The following TEAD4 variants were observed in gnomAD, a reference collection of about 807,000 sequenced individuals.
TEAD4 encodes the protein TEA domain transcription factor 4.
Under a neutral mutation model 52.4 loss-of-function variants are expected in TEAD4, and 36 were observed. The observed-to-expected ratio is 0.69, with a 90% CI of 0.53 to 0.91. TEAD4 has a LOEUF of 0.91. TEAD4 is among the 40% of genes least tolerant of loss of function. TEAD4 has a pLI of 0.00. For missense variants in TEAD4, 508 were observed against 583.9 expected (o/e 0.87, Z 1.34); for synonymous variants, 220 against 231.0 (o/e 0.95, Z 0.43).
At chr12:3,028,689 G>T (rs61918013) in intron 10 of TEAD4, among the ~76,000 whole-genome samples, 1 of 151,794 alleles carries the variant, frequency 6.6e-6, no homozygotes, top group African/African-American at 2.4e-5. Flanking sequence ...GGAGTACAGC[G>T]GCGTAATTTT....
intron 2 of TEAD4, among the ~76,000 whole-genome samples, chr12:2,966,660 C>T (rs185694712): frequency 2.6e-5 from 4 of 152,182 alleles, no homozygotes; most frequent in South Asian, 2.1e-4. Flanking sequence ...ATCTGCCCGC[C>T]TTGACCTCCC....
chr12:2,973,749 C>G (rs528201935), intron 2 of TEAD4, among the ~76,000 whole-genome samples: 1 of 152,312 alleles, frequency 6.6e-6, no homozygotes, highest in African/African-American at 2.4e-5. Context: ...TGGGTCAGGC[C>G]GGGCTGGCCC....
chr12:2,992,804 C>T (rs115157302), intron 2 of TEAD4, among the ~76,000 whole-genome samples: 1 of 152,220 alleles, frequency 6.6e-6, no homozygotes, highest in African/African-American at 2.4e-5. Context: ...AGCTGGTACT[C>T]ATAACCCAAA....
intron 2 of TEAD4, among the ~76,000 whole-genome samples, chr12:2,976,887 T>C (rs1386278254): frequency 6.6e-6 from 1 of 152,174 alleles, no homozygotes; most frequent in Admixed American, 6.5e-5. Context: ...CTCTCTGAGC[T>C]GCCCCTCCCA....
chr12:2,983,269 T>G (rs1002333334), intron 2 of TEAD4, among the ~76,000 whole-genome samples: 2 of 152,208 alleles, frequency 1.3e-5, no homozygotes, highest in African/African-American at 4.8e-5. Context: ...ATAGCTCTTA[T>G]GAGCACTGAC....
chr12:2,980,683 A>G (rs2098233459), intron 2 of TEAD4, among the ~76,000 whole-genome samples: 1 of 151,906 alleles, frequency 6.6e-6, no homozygotes, highest in Non-Finnish European at 1.5e-5. Context: ...CAGTGAGTCC[A>G]TATCGCTCCA....
At chr12:2,988,508 CA>C (rs35233597) in intron 2 of TEAD4, among the ~76,000 whole-genome samples, 90,912 of 131,262 alleles carry the variant, frequency 0.69, 31,972 homozygotes, top group South Asian at 0.86. Flanking sequence ...AAAAAAAGCT[CA>C]AAAAAAAAAA....
chr12:3,028,575 T>C (rs944741719), intron 10 of TEAD4, among the ~76,000 whole-genome samples: 1 of 152,208 alleles, frequency 6.6e-6, no homozygotes, highest in African/African-American at 2.4e-5. Context: ...TCTTTTCATG[T>C]GCTTACTGGC....
At chr12:2,973,680 G>T (rs533552486) in intron 2 of TEAD4, among the ~76,000 whole-genome samples, 39 of 152,308 alleles carry the variant, frequency 2.6e-4, no homozygotes, top group African/African-American at 9.1e-4. Context: ...GGGAATTTTG[G>T]TTTGCCGGGC....
intron 10 of TEAD4, among the ~76,000 whole-genome samples, chr12:3,031,424 G>A (rs2098275464): frequency 6.6e-6 from 1 of 152,164 alleles, no homozygotes; most frequent in Non-Finnish European, 1.5e-5. Context: ...GGCATGTCCG[G>A]GACCCTCTTG....
intron 3 of TEAD4, among the ~76,000 whole-genome samples, chr12:2,999,408 T>A (rs1166860068): frequency 6.6e-6 from 1 of 152,206 alleles, no homozygotes; most frequent in Non-Finnish European, 1.5e-5. Flanking sequence ...CGGCCTTAGC[T>A]GTTTGAGGAC....
At chr12:3,020,534 C>A in intron 8 of TEAD4, 100 bp from the exon 9 acceptor site, 3 of 1,360,142 alleles carry the variant, frequency 2.2e-6, no homozygotes, top group Non-Finnish European at 2.9e-6. Context: ...TCCCCCCAGG[C>A]AGCACGGGTC....
At chr12:2,969,698 T>C (rs1314807102) in intron 2 of TEAD4, among the ~76,000 whole-genome samples, 2 of 152,194 alleles carry the variant, frequency 1.3e-5, no homozygotes, top group African/African-American at 4.8e-5. Flanking sequence ...GAGGGTGCAG[T>C]GTCTGAGCAG....
rs531785166 is a variant in TEAD4, at chr12:3,026,527, A to G, written c.897+4510A>G. 2.6e-5 allele frequency among the ~76,000 whole-genome samples: 4 copies of G among 152,316 alleles called. No individual in the cohort carries two copies. In the South Asian group the frequency reaches 6.2e-4, roughly 24 times the overall value. On this transcript the variant is annotated intron_variant, in intron 10 of 12. Transcript: ENST00000359864. ...TGCTGGAGTTCCAGCCACTGTAGCC[A>G]TCTTCCAACCATCAAAAGAAGCCAG... is the stretch of plus-strand genomic sequence containing the variant.
intron 10 of TEAD4, among the ~76,000 whole-genome samples, chr12:3,022,620 G>A (rs2098269520): frequency 6.6e-6 from 1 of 152,192 alleles, no homozygotes; most frequent in African/African-American, 2.4e-5. Flanking sequence ...CAGGTATTTT[G>A]TGGGTGGAAC....
At chr12:2,982,567 G>T (rs1335775217) in intron 2 of TEAD4, among the ~76,000 whole-genome samples, 1 of 152,238 alleles carries the variant, frequency 6.6e-6, no homozygotes, top group Non-Finnish European at 1.5e-5. Flanking sequence ...GAGCCGCAGG[G>T]CAGGGCGGTG....
chr12:3,035,698 T>C (rs557261234), intron 10 of TEAD4, among the ~76,000 whole-genome samples: 1 of 151,990 alleles, frequency 6.6e-6, no homozygotes, highest in East Asian at 1.9e-4. Flanking sequence ...CACATGCCTA[T>C]AATCCTGGCT....
intron 2 of TEAD4, among the ~76,000 whole-genome samples, chr12:2,963,388 C>T (rs1213088977): frequency 6.6e-6 from 1 of 152,206 alleles, no homozygotes; most frequent in African/African-American, 2.4e-5. Flanking sequence ...AAATTCAGGG[C>T]TTGTGAGGGT....
At chr12:2,991,461 A>G (rs368297473) in intron 2 of TEAD4, among the ~76,000 whole-genome samples, 1 of 152,214 alleles carries the variant, frequency 6.6e-6, no homozygotes, top group African/African-American at 2.4e-5. Flanking sequence ...CAGGAATTTG[A>G]GACCAGCCTG....
Sources: gnomAD v4.1 joint callset for allele counts (sites outside exome capture counted in the v4.1 genomes callset) on GRCh38, gnomAD v4.1.1 for gene constraint, MANE v1.5 for transcripts, NCBI Gene and HGNC (gene_info 2026-07-23, HGNC 2026-07-21) for gene names.